Variants in NTRK3 observed in about 807,000 individuals in gnomAD.
NTRK3 encodes the protein NT-3 growth factor receptor.
Under a neutral mutation model 91.7 loss-of-function variants are expected in NTRK3, and 24 were observed. The observed-to-expected ratio is 0.26, with a 90% CI of 0.19 to 0.37. The LOEUF (loss-of-function observed/expected upper bound fraction) is 0.37, where lower values mean the gene tolerates loss of function less well. NTRK3 is among the 10% of genes least tolerant of loss of function. The pLI, the probability that NTRK3 is intolerant of heterozygous loss-of-function variation, is 1.00. For synonymous variants in NTRK3, 483 were observed against 404.0 expected (o/e 1.20, Z -2.34); for missense variants, 880 against 1,068.9 (o/e 0.82, Z 2.46).
intron 13 of NTRK3, among the ~76,000 whole-genome samples, chr15:88,033,607 G>A (rs1003210628): frequency 1.3e-4 from 20 of 151,998 alleles, no homozygotes; most frequent in African/African-American, 4.1e-4. Flanking sequence ...CATCATGCCC[G>A]GCCCACATTT....
intron 11 of NTRK3, among the ~76,000 whole-genome samples, chr15:88,127,810 C>T (rs1411745092): frequency 2.0e-5 from 3 of 152,176 alleles, no homozygotes; most frequent in Admixed American, 2.0e-4. Flanking sequence ...AAAAATAGAA[C>T]CATCTGACCG....
In NTRK3 at chr15:88,255,296, G is replaced by A. The variant is rs1203814471; in HGVS notation, c.248+610C>T. ...GGCTGGAGAGGGCGGGCTGCAGGAGGGGAAGGGAAGAGGTAGGCGTCCATG... is the reference window on the plus strand; with the variant it reads ...GGCTGGAGAGGGCGGGCTGCAGGAGAGGAAGGGAAGAGGTAGGCGTCCATG... On this transcript the variant is annotated intron_variant, in intron 3 of 18. Coordinates refer to ENST00000394480, the Ensembl canonical transcript of NTRK3. The surrounding 1 kb of genome is among the most constrained non-coding windows in gnomAD (Gnocchi z 4.3). Among the ~76,000 whole-genome samples, 1 of 152,178 alleles carries A rather than the reference G, an allele frequency of 6.6e-6. No individual in the cohort carries two copies. The highest frequency in any genetic ancestry group is 2.4e-5 in the African/African-American group (1 of 41,454).
At chr15:88,205,590 A>T (rs890714360) in intron 3 of NTRK3, among the ~76,000 whole-genome samples, 2 of 152,180 alleles carry the variant, frequency 1.3e-5, no homozygotes, top group African/African-American at 2.4e-5. Context: ...CTATTTCCTG[A>T]GCACTGAAAG....
At chr15:88,133,009 G>T (rs1417962662) in intron 10 of NTRK3, among the ~76,000 whole-genome samples, 1 of 152,122 alleles carries the variant, frequency 6.6e-6, no homozygotes, top group African/African-American at 2.4e-5. Flanking sequence ...GGGAGTACTG[G>T]AGTCACCTGG....
chr15:88,124,672 G>C (rs1349245080), intron 13 of NTRK3, among the ~76,000 whole-genome samples: 2 of 152,176 alleles, frequency 1.3e-5, no homozygotes. Flanking sequence ...ATTGAAAGCT[G>C]TGCGCTCACT....
At chr15:88,102,552 G>A (rs898320982) in intron 13 of NTRK3, among the ~76,000 whole-genome samples, 1 of 152,038 alleles carries the variant, frequency 6.6e-6, no homozygotes, top group African/African-American at 2.4e-5. Context: ...TTGAGTCGAT[G>A]GATATCCCAG....
exon 10 of NTRK3, chr15:88,135,289 C>T (rs2151193833): frequency 6.2e-7 from 1 of 1,614,146 alleles, no homozygotes; most frequent in Non-Finnish European, 8.5e-7. Flanking sequence ...CAGAGGCTGC[C>T]CATTGTGCAG....
intron 14 of NTRK3, among the ~76,000 whole-genome samples, chr15:88,005,177 T>C (rs1423389945): frequency 6.6e-6 from 1 of 152,198 alleles, no homozygotes; most frequent in Non-Finnish European, 1.5e-5. Flanking sequence ...TCTTCCCTGA[T>C]TGATGCTTTC....
chr15:87,929,516 T>C (rs967507157), intron 16 of NTRK3, 82 bp from the exon 17 acceptor site: 23 of 1,525,944 alleles, frequency 1.5e-5, no homozygotes, highest in Non-Finnish European at 1.9e-5. Flanking sequence ...CCCTGCCCTC[T>C]GGAATGCCCC....
In NTRK3 at chr15:88,162,018, A is replaced by C. The variant is rs554284246; in HGVS notation, c.396-14615T>G. Among the ~76,000 whole-genome samples the C allele has an allele frequency of 5.9e-5, 9 of 152,344 alleles. No homozygotes were observed. The East Asian group carries it at 1.7e-3, about 29-fold the overall frequency. On this transcript the variant is annotated intron_variant, in intron 5 of 18. Coordinates refer to ENST00000394480, the Ensembl canonical transcript of NTRK3. ...CACAATAAAGAAAGATGGGGAAGAC[A>C]GAGCTCCAGCTTCATATTTCAAGTG...
intron 17 of NTRK3, among the ~76,000 whole-genome samples, chr15:87,923,973 C>T (rs2068086287): frequency 6.6e-6 from 1 of 152,150 alleles, no homozygotes. Context: ...GCCTCCAGAA[C>T]CATAAGAAAT....
intron 14 of NTRK3, among the ~76,000 whole-genome samples, chr15:88,001,923 G>A (rs1295965120): frequency 6.6e-6 from 1 of 152,108 alleles, no homozygotes; most frequent in Non-Finnish European, 1.5e-5. Flanking sequence ...TCAATTTAAG[G>A]AGTACTGGTA....
chr15:88,105,224 C>T (rs1242685780), intron 13 of NTRK3, among the ~76,000 whole-genome samples: 1 of 152,174 alleles, frequency 6.6e-6, no homozygotes, highest in South Asian at 2.1e-4. Context: ...CTTAACGTTG[C>T]CAATTCCAGG....
intron 12 of NTRK3, 29 bp downstream of exon 12, chr15:88,127,133 A>G: frequency 6.3e-7 from 1 of 1,593,974 alleles, no homozygotes; most frequent in Non-Finnish European, 8.6e-7. Context: ...GCCAGTCAAC[A>G]CACTCCTCTT....
chr15:88,056,367 T>C (rs1219724518), intron 13 of NTRK3, among the ~76,000 whole-genome samples: 2 of 151,914 alleles, frequency 1.3e-5, no homozygotes, highest in Non-Finnish European at 2.9e-5. Context: ...AGGTTGGAGA[T>C]GAAGGGAGAT....
intron 17 of NTRK3, among the ~76,000 whole-genome samples, chr15:87,888,323 T>A (rs76243922): frequency 0.058 from 8,858 of 152,208 alleles, 326 homozygotes; most frequent in Non-Finnish European, 0.084. Context: ...AATGTCACTA[T>A]CTCCATAAAA....
chr15:87,916,054 G>A (rs779943629), intron 17 of NTRK3, among the ~76,000 whole-genome samples: 1 of 152,124 alleles, frequency 6.6e-6, no homozygotes, highest in East Asian at 1.9e-4. Flanking sequence ...TGTGTTTGAA[G>A]TTCTGAATTT....
chr15:88,253,836 G>A (rs1395734420), intron 3 of NTRK3, among the ~76,000 whole-genome samples: 1 of 152,158 alleles, frequency 6.6e-6, no homozygotes, highest in Non-Finnish European at 1.5e-5. Flanking sequence ...CAGTACCAAA[G>A]AGGGCAAGAG....
At chr15:87,940,558 C>T (rs2142015841) in intron 15 of NTRK3, 65 bp downstream of exon 15, 1 of 1,603,722 alleles carries the variant, frequency 6.2e-7, no homozygotes, top group Admixed American at 1.7e-5. Flanking sequence ...GAGGGAGCCT[C>T]TTCCTTCCCT....
Sources: allele counts gnomAD v4.1 joint callset (sites outside exome capture counted in the v4.1 genomes callset), GRCh38; gene constraint gnomAD v4.1.1; non-coding constraint Gnocchi (gnomAD v3.1); transcripts MANE v1.5; gene names NCBI Gene and HGNC (gene_info 2026-07-23, HGNC 2026-07-21).